IMPACT: variants seen among roughly 807,000 people sequenced by gnomAD.
The protein encoded by IMPACT is protein IMPACT.
IMPACT carries 35 observed loss-of-function variants against 47.5 expected under a neutral mutation model. The observed-to-expected ratio is 0.74, with a 90% CI of 0.56 to 0.98. IMPACT has a LOEUF of 0.98. Among genes scored for constraint, IMPACT ranks in the 50% least tolerant of loss-of-function variants. IMPACT has a pLI of 0.00. For missense variants in IMPACT, 373 were observed against 394.8 expected (o/e 0.94, Z 0.47); for synonymous variants, 118 against 125.6 (o/e 0.94, Z 0.40).
At chr18:24,450,020 A>G (rs1253364090) in intron 10 of IMPACT, 67 bp downstream of exon 10, 3 of 1,509,610 alleles carry the variant, frequency 2.0e-6, no homozygotes, top group African/African-American at 1.4e-5. Context: ...TTAAAAAGAC[A>G]GAAAATTAAG....
rs1568091134 is a variant in IMPACT at position 24,450,675 on chromosome 18, AT to A, written c.895-103del. The A allele has an allele frequency of 4.4e-6, 3 of 680,124 alleles. No homozygotes were observed. In the East Asian group the frequency reaches 8.2e-5, roughly 19 times the overall value. The allele number at this position is 680,124 out of a possible 1,614,324, so 42.1% of individuals were successfully genotyped here. A position where few individuals can be genotyped will look rare whatever the true frequency, so the allele number is the denominator to read the frequency against. ...TATACATACATACATATATGTATGA[AT>A]ATATGTGGAATATATATGTGTAAAT... On this transcript the variant is annotated intron_variant, in intron 10 of 10. Transcript: ENST00000284202.
intron 8 of IMPACT, among the ~76,000 whole-genome samples, chr18:24,446,945 G>C (rs1909263892): frequency 6.6e-6 from 1 of 152,102 alleles, no homozygotes; most frequent in African/African-American, 2.4e-5. Flanking sequence ...ACTGTAAAAA[G>C]GTTAGCTTTT....
chr18:24,427,091 C>G (rs2144327738), intron 1 of IMPACT: 1 of 352,490 alleles, frequency 2.8e-6, no homozygotes, highest in East Asian at 4.2e-5. Context: ...TCGATCCCCA[C>G]CCTGCCGCCG....
chr18:24,448,194 G>A lies in IMPACT; in HGVS notation c.759+11G>A, dbSNP rs758983091. On this transcript the variant is annotated intron_variant, in intron 9 of 10. Transcript: ENST00000284202. ...CTTCATCTCATGGAGGTAGGTGTAA[G>A]TTAAACTATCAATCCTGTTCTGTAC... 1.3e-6 allele frequency: 2 copies of A among 1,585,348 alleles called. No individual in the cohort carries two copies. The highest frequency in any genetic ancestry group is 1.7e-5 in the Admixed American group (1 of 59,920).
At chr18:24,427,621 G>A (rs981838389) in intron 1 of IMPACT, 3 of 266,764 alleles carry the variant, frequency 1.1e-5, no homozygotes, top group Non-Finnish European at 1.4e-5. Context: ...ATCTTTTCAC[G>A]TGTGAATGGT....
rs1304909166 is a variant in IMPACT at position 24,440,440 on chromosome 18, A to G, written c.368-56A>G. ...ACCCAAGACCCAGTGATTTTTTTTT[A>G]AAAAGCATCGTTTCTTACCTGCGTC... On this transcript the variant is annotated intron_variant, in intron 5 of 10. Transcript: ENST00000284202. The G allele has an allele frequency of 3.8e-6, 6 of 1,565,784 alleles. No homozygotes were observed. In the Admixed American group the frequency reaches 5.8e-5, roughly 15 times the overall value.
chr18:24,429,904 A>G (rs570832029), intron 3 of IMPACT, among the ~76,000 whole-genome samples: 74 of 151,910 alleles, frequency 4.9e-4, no homozygotes, highest in African/African-American at 1.7e-3. Context: ...CAGCCTCCCA[A>G]ATAGCTGGGA....
In IMPACT at chr18:24,447,541, T is replaced by C. The variant is rs147169822; in HGVS notation, c.669-552T>C. Among the ~76,000 whole-genome samples the C allele has an allele frequency of 5.9e-5, 9 of 152,316 alleles. No homozygotes were observed. The East Asian group carries it at 1.7e-3, about 29-fold the overall frequency. On this transcript the variant is annotated intron_variant, in intron 8 of 10. Transcript: ENST00000284202. ...GTAACCATCCAGAGGAAAATTTAAA[T>C]CTTTACATTCTTAGAAGAAAATAGA...
intron 8 of IMPACT, among the ~76,000 whole-genome samples, chr18:24,447,885 C>T (rs1211466301): frequency 6.6e-6 from 1 of 152,020 alleles, no homozygotes; most frequent in African/African-American, 2.4e-5. Flanking sequence ...CCTTTGATTC[C>T]TAGCTTTCCC....
At chr18:24,443,790 A>G (rs1163683678) in intron 7 of IMPACT, among the ~76,000 whole-genome samples, 1 of 152,168 alleles carries the variant, frequency 6.6e-6, no homozygotes, top group African/African-American at 2.4e-5. Context: ...TTTCAGCCAT[A>G]AACTATTCCT....
At chr18:24,446,104 GACAGGGTCTCAAAA>G (rs1909242403) in intron 8 of IMPACT, among the ~76,000 whole-genome samples, 1 of 152,058 alleles carries the variant, frequency 6.6e-6, no homozygotes, top group African/African-American at 2.4e-5. Context: ...TGGTTTTTGA[GACAGGGTCTCAAAA>G]ACCCTGTTGC....
Position 24,430,183 on chromosome 18 carries a change from A to G in IMPACT, c.219-139A>G, listed in dbSNP as rs540572364. ...ATGCTAATGAAAGCATTTTGCAACTATATAGATTTATACAAATATAAGACC... is the reference window on the plus strand; with the variant it reads ...ATGCTAATGAAAGCATTTTGCAACTGTATAGATTTATACAAATATAAGACC... On this transcript the variant is annotated intron_variant, in intron 3 of 10. Transcript: ENST00000284202. 22 of 519,400 alleles carry G rather than the reference A, an allele frequency of 4.2e-5. No homozygotes were observed. In the East Asian group the frequency reaches 5.5e-4, roughly 13 times the overall value. 32.2% of individuals were successfully genotyped at this position (519,400 alleles called of 1,614,324 possible).
At chr18:24,447,945 A>G in intron 8 of IMPACT, 148 bp from the exon 9 acceptor site, 1 of 504,454 alleles carries the variant, frequency 2.0e-6, no homozygotes, top group South Asian at 3.8e-5. Flanking sequence ...CAGTGAAAAT[A>G]TATCTAATAT....
chr18:24,434,844 G>GTGTGTATATATATGTGTATATATA lies in IMPACT; in HGVS notation c.282-3069_282-3046dup, dbSNP rs59404866. 3.3e-4 allele frequency among the ~76,000 whole-genome samples: 43 copies of GTGTGTATATATATGTGTATATATA among 128,874 alleles called. No individual in the cohort carries two copies. The East Asian group carries it at 5.1e-3, about 15-fold the overall frequency. The allele number at this position is 128,874 out of a possible 152,430, so 84.5% of individuals were successfully genotyped here. A position where few individuals can be genotyped will look rare whatever the true frequency, so the allele number is the denominator to read the frequency against. ...GTGTATTATATAAGTGTATATATAT[G>GTGTGTATATATATGTGTATATATA]TGTGTATATATATGTGTATATATAT... On this transcript the variant is annotated intron_variant, in intron 4 of 10. Coordinates refer to ENST00000284202, the MANE Select transcript of IMPACT (RefSeq NM_018439.4).
chr18:24,426,931 C>A, intron 1 of IMPACT, 139 bp downstream of exon 1: 1 of 576,418 alleles, frequency 1.7e-6, no homozygotes, highest in Non-Finnish European at 2.6e-6. Context: ...TGCTCCACCG[C>A]GTTCCATTTT....
At chr18:24,437,767 C>T (rs184850062) in intron 4 of IMPACT, among the ~76,000 whole-genome samples, 188 bp from the exon 5 acceptor site, 16 of 152,212 alleles carry the variant, frequency 1.1e-4, no homozygotes, top group African/African-American at 2.6e-4. Context: ...GAATTTTTAA[C>T]GTTGCTATAA....
At chr18:24,432,877 G>C (rs981969652) in intron 4 of IMPACT, among the ~76,000 whole-genome samples, 1 of 152,034 alleles carries the variant, frequency 6.6e-6, no homozygotes, top group Non-Finnish European at 1.5e-5. Flanking sequence ...ACATTCATCA[G>C]TTAGCGTTTT....
At chr18:24,437,034 G>C (rs2144338358) in intron 4 of IMPACT, among the ~76,000 whole-genome samples, 1 of 152,124 alleles carries the variant, frequency 6.6e-6, no homozygotes, top group Middle Eastern at 3.4e-3. Context: ...GGGAGGATTT[G>C]AGGGTATAGA....
In IMPACT at chr18:24,451,505, A is replaced by G. The variant is rs1356317685; in HGVS notation, c.*658A>G. The G allele has an allele frequency of 1.3e-5, 2 of 152,254 alleles. No homozygotes were observed. The highest frequency in any genetic ancestry group is 2.4e-5 in the African/African-American group (1 of 41,472). The allele number at this position is 152,254 out of a possible 1,614,324, so 9.4% of individuals were successfully genotyped here. On this transcript the variant is annotated 3_prime_UTR_variant, in exon 11 of 11. Coordinates refer to ENST00000284202, the MANE Select transcript of IMPACT (RefSeq NM_018439.4). ...TGCAAATTGGTGATTGTGAAATTAC[A>G]GAAAGTGATTTTCTAGTCTGCTTTT...
Sources: gnomAD v4.1 joint callset for allele counts (sites outside exome capture counted in the v4.1 genomes callset) on GRCh38, gnomAD v4.1.1 for gene constraint, MANE v1.5 for transcripts, NCBI Gene and HGNC (gene_info 2026-07-23, HGNC 2026-07-21) for gene names.